Variants in TDRD1 observed in about 807,000 individuals in gnomAD.
TDRD1 encodes the protein tudor domain containing 1.
In TDRD1, 37 loss-of-function variants were observed where a neutral mutation model predicts 140.6. The observed-to-expected ratio is 0.26, with a 90% CI of 0.20 to 0.35. The LOEUF is 0.35. TDRD1 is among the 10% of genes least tolerant of loss of function. The pLI, the probability that TDRD1 is intolerant of heterozygous loss-of-function variation, is 1.00. For missense variants in TDRD1, 1,243 were observed against 1,393.0 expected (o/e 0.89, Z 1.71); for synonymous variants, 506 against 475.7 (o/e 1.06, Z -0.83).
chr10:114,192,813 C>T (rs965161248), intron 3 of TDRD1, among the ~76,000 whole-genome samples: 1 of 152,150 alleles, frequency 6.6e-6, no homozygotes, highest in African/African-American at 2.4e-5. Flanking sequence ...ATGTGTCTGT[C>T]TTTCCAGTAC....
intron 18 of TDRD1, among the ~76,000 whole-genome samples, chr10:114,220,323 C>T (rs924456984): frequency 2.6e-4 from 40 of 152,076 alleles, no homozygotes; most frequent in African/African-American, 7.2e-4. Context: ...GGAAAATGCC[C>T]GGTAAAGATA....
rs1038889463 is a variant in TDRD1, at chr10:114,231,709, G to C, written c.*192G>C. The C allele has an allele frequency of 5.8e-6, 3 of 514,814 alleles. No homozygotes were observed. The South Asian group carries it at 1.0e-4, about 17-fold the overall frequency. 31.9% of individuals were successfully genotyped at this position (514,814 alleles called of 1,614,324 possible). On this transcript the variant is annotated 3_prime_UTR_variant, in exon 26 of 26. Coordinates refer to ENST00000251864, the Ensembl canonical transcript of TDRD1. ...GTTCCTTCCACCAAATAAATATTAC[G>C]TAAAAAATTCATACCAAATCAATGA...
intron 21 of TDRD1, among the ~76,000 whole-genome samples, chr10:114,223,225 C>T (rs1226543815): frequency 6.6e-6 from 1 of 152,180 alleles, no homozygotes; most frequent in Non-Finnish European, 1.5e-5. Context: ...CTTCATGGTC[C>T]ACAGTCAGGT....
intron 3 of TDRD1, among the ~76,000 whole-genome samples, chr10:114,193,063 A>G (rs934047376): frequency 4.6e-5 from 7 of 152,160 alleles, no homozygotes; most frequent in Admixed American, 2.0e-4. Flanking sequence ...GAATCTTCCA[A>G]TCTATGAACA....
At chr10:114,178,352 ATATTAGGTGG>A (rs2032769646), upstream of TDRD1, among the ~76,000 whole-genome samples, 1 of 152,168 alleles carries the variant, frequency 6.6e-6, no homozygotes, top group African/African-American at 2.4e-5. Flanking sequence ...CACACTTTAA[ATATTAGGTGG>A]TAGAGGTTCT....
chr10:114,231,446 G>T (rs779978662), intron 25 of TDRD1: 25 of 1,544,328 alleles, frequency 1.6e-5, no homozygotes, highest in Non-Finnish European at 2.0e-5. Flanking sequence ...TTGAGTTTTT[G>T]TGTAAGGCAT....
At chr10:114,206,695 C>T (rs1434329830) in intron 11 of TDRD1, among the ~76,000 whole-genome samples, 1 of 148,094 alleles carries the variant, frequency 6.8e-6, no homozygotes, top group Non-Finnish European at 1.5e-5. Flanking sequence ...CTCCCTGTAA[C>T]CTCTGCCTCC....
In TDRD1 at chr10:114,209,374, A is replaced by G. The variant is rs372654093; in HGVS notation, c.1385-1207A>G. ...ACCTTAAGCCTGGAGATAGAGAACCAGAATCTCAGCCCCCTTACTCCAGTT... is the reference window on the plus strand; with the variant it reads ...ACCTTAAGCCTGGAGATAGAGAACCGGAATCTCAGCCCCCTTACTCCAGTT... On this transcript the variant is annotated intron_variant, in intron 11 of 25. Coordinates refer to ENST00000251864, the Ensembl canonical transcript of TDRD1. 1.2e-4 allele frequency among the ~76,000 whole-genome samples: 18 copies of G among 152,358 alleles called. No individual in the cohort carries two copies. In the East Asian group the frequency reaches 3.5e-3, roughly 29 times the overall value.
exon 21 of TDRD1, chr10:114,222,620 A>C (rs1213488144): frequency 6.2e-7 from 1 of 1,612,340 alleles, no homozygotes; most frequent in Non-Finnish European, 8.5e-7. Flanking sequence ...TTGACAGCTG[A>C]ATTATTAGAA....
chr10:114,202,578 C>G (rs1564946343), intron 6 of TDRD1, among the ~76,000 whole-genome samples: 1 of 152,120 alleles, frequency 6.6e-6, no homozygotes, highest in Non-Finnish European at 1.5e-5. Context: ...CTAATAGGGC[C>G]TAGTTATCTA....
exon 6 of TDRD1, chr10:114,202,298 G>A (rs1426723460): frequency 6.3e-7 from 1 of 1,593,094 alleles, no homozygotes; most frequent in Non-Finnish European, 8.6e-7. Flanking sequence ...TAAACAATAA[G>A]GTATGGTATA....
chr10:114,175,199 TA>T (rs1472935327), upstream of TDRD1, among the ~76,000 whole-genome samples: 2 of 152,096 alleles, frequency 1.3e-5, no homozygotes, highest in Non-Finnish European at 2.9e-5. Context: ...TTTAAAACAA[TA>T]AATCGACCAA....
intron 21 of TDRD1, 22 bp from the exon 22 acceptor site, chr10:114,226,027 T>C (rs201859452): frequency 5.4e-5 from 87 of 1,602,378 alleles, no homozygotes; most frequent in Non-Finnish European, 6.5e-5. Context: ...AGTTCTTACC[T>C]GAGATTTCAT....
rs780006337 is a variant in TDRD1 at position 114,211,892 on chromosome 10, G to C, written c.1687G>C (p.Val563Leu). Residue 563 changes from valine to leucine, a missense_variant, in exon 14 of 26, where the codon GTT (valine) becomes CTT (leucine). Val to Leu is a conservative substitution (Grantham distance 32). Coordinates refer to ENST00000251864, the Ensembl canonical transcript of TDRD1. ...GGATGATCAGTGGTACCGTGCCTCT[G>C]TTTTGGCTTACGCTTCTGAAGAATC... 9.5e-6 allele frequency: 15 copies of C among 1,586,228 alleles called. No homozygotes were observed. The highest frequency in any genetic ancestry group is 9.1e-5 in the East Asian group (4 of 43,752).
chr10:114,202,357 A>C, intron 6 of TDRD1, 59 bp downstream of exon 6: 1 of 1,215,722 alleles, frequency 8.2e-7, no homozygotes, highest in Non-Finnish European at 1.1e-6. Flanking sequence ...TTAAGATGTA[A>C]GATAAATATT....
chr10:114,201,464 AAAG>A, exon 5 of TDRD1: 1 of 1,614,066 alleles, frequency 6.2e-7, no homozygotes, highest in South Asian at 1.1e-5. Context: ...ACAGCATGTC[AAAG>A]AAGAGACTGG....
intron 23 of TDRD1, among the ~76,000 whole-genome samples, chr10:114,227,590 C>A (rs1352267483): frequency 6.6e-6 from 1 of 152,202 alleles, no homozygotes; most frequent in Non-Finnish European, 1.5e-5. Flanking sequence ...TTCCAATTTA[C>A]TTTCTATCCT....
chr10:114,187,641 C>T lies in TDRD1; in HGVS notation c.-6-185C>T, dbSNP rs922639909. 4.6e-5 allele frequency among the ~76,000 whole-genome samples: 7 copies of T among 152,288 alleles called. No individual in the cohort carries two copies. The East Asian group carries it at 1.4e-3, about 29-fold the overall frequency. On this transcript the variant is annotated intron_variant, in intron 1 of 25. Coordinates refer to ENST00000251864, the Ensembl canonical transcript of TDRD1. ...TGATTTCTGTTAGAGTTCATACTTA[C>T]AGAGAACTGGTGTTTTTCTTGTGCC... is the stretch of plus-strand genomic sequence containing the variant.
At chr10:114,218,119 C>T (rs954908000) in intron 17 of TDRD1, among the ~76,000 whole-genome samples, 4 of 152,152 alleles carry the variant, frequency 2.6e-5, no homozygotes, top group East Asian at 1.9e-4. Flanking sequence ...CAAGTATATT[C>T]AAGTCTTATC....
Sources: allele counts gnomAD v4.1 joint callset (sites outside exome capture counted in the v4.1 genomes callset), GRCh38; gene constraint gnomAD v4.1.1; transcripts MANE v1.5; gene names NCBI Gene and HGNC (gene_info 2026-07-23, HGNC 2026-07-21).